Variants in TRAPPC8 observed in about 807,000 individuals in gnomAD.
The protein encoded by TRAPPC8 is general sporulation gene 1 homolog.
A neutral mutation model predicts 174.3 loss-of-function variants in TRAPPC8; 54 were observed. That is an observed-to-expected ratio of 0.31 (90% CI 0.25 to 0.39). TRAPPC8 has a LOEUF of 0.39. Ranked by LOEUF, TRAPPC8 falls within the 10% of genes least tolerant of loss-of-function variation. TRAPPC8 has a pLI of 1.00. For synonymous variants in TRAPPC8, 630 were observed against 579.9 expected, an observed-to-expected ratio of 1.09 and a Z score of -1.24; for missense variants, 1,531 against 1,699.1, an observed-to-expected ratio of 0.90 and a Z score of 1.74.
intron 19 of TRAPPC8, among the ~76,000 whole-genome samples, chr18:31,860,928 C>A (rs1017187089): frequency 6.6e-6 from 1 of 152,148 alleles, no homozygotes; most frequent in African/African-American, 2.4e-5. Flanking sequence ...GAAAGTATAG[C>A]TTTTATCTGT....
intron 12 of TRAPPC8, among the ~76,000 whole-genome samples, chr18:31,885,459 T>C (rs551288366): frequency 3.3e-5 from 5 of 152,314 alleles, no homozygotes; most frequent in African/African-American, 1.2e-4. Flanking sequence ...TGTCAAAATC[T>C]GAATGGGGTC....
chr18:31,906,585 TA>T (rs2036670213), intron 9 of TRAPPC8, among the ~76,000 whole-genome samples: 1 of 152,228 alleles, frequency 6.6e-6, no homozygotes, highest in South Asian at 2.1e-4. Flanking sequence ...ACATGTCTTT[TA>T]AAAGATTAAA....
chr18:31,862,457 A>G (rs767799060), intron 19 of TRAPPC8, among the ~76,000 whole-genome samples: 4 of 152,172 alleles, frequency 2.6e-5, no homozygotes, highest in Non-Finnish European at 4.4e-5. Flanking sequence ...CTTTCAGAAT[A>G]TTAATATAAT....
intron 2 of TRAPPC8, among the ~76,000 whole-genome samples, chr18:31,928,861 T>C (rs2037735302): frequency 6.6e-6 from 1 of 152,090 alleles, no homozygotes; most frequent in South Asian, 2.1e-4. Flanking sequence ...GAATCACATA[T>C]AAAGGTCTAC....
intron 2 of TRAPPC8, among the ~76,000 whole-genome samples, chr18:31,922,990 A>G (rs761339843): frequency 2.6e-5 from 4 of 152,182 alleles, no homozygotes; most frequent in Non-Finnish European, 4.4e-5. Flanking sequence ...GAACTCCAGC[A>G]TGGGTGACAT....
chr18:31,870,424 T>C lies in TRAPPC8; in HGVS notation c.2336A>G (p.Lys779Arg). Residue 779 changes from lysine to arginine, a missense_variant, in exon 16 of 29, where the codon AAG (lysine) becomes AGG (arginine). By Grantham distance (26) the Lys-to-Arg change is conservative. Coordinates refer to ENST00000283351, the MANE Select transcript of TRAPPC8 (RefSeq NM_014939.5). ...LLLTDLSLLW[K>R]FHPKDFSGKD... is the part of the protein sequence containing the mutation. ...TCCACTGAAATCTTTAGGATGAAAC[T>C]TCCAAAGCAATGACAAATCAGTCAA... is the stretch of plus-strand genomic sequence containing the variant. 1 of 1,613,394 alleles carries C rather than the reference T, an allele frequency of 6.2e-7. No homozygotes were observed. Among genetic ancestry groups the C allele is most frequent in the Non-Finnish European group, 8.5e-7 (1 of 1,179,646 alleles).
At chr18:31,861,936 AGGG>A (rs398032373) in intron 19 of TRAPPC8, among the ~76,000 whole-genome samples, 20 of 64,270 alleles carry the variant, frequency 3.1e-4, no homozygotes, top group African/African-American at 9.6e-4. Context: ...AAAAAAAAAA[AGGG>A]GGGGGGGGGC....
chr18:31,905,358 T>G (rs2036614276), intron 9 of TRAPPC8, among the ~76,000 whole-genome samples: 1 of 152,144 alleles, frequency 6.6e-6, no homozygotes, highest in African/African-American at 2.4e-5. Context: ...AGGCGCTCTT[T>G]CAGCTGCTAA....
intron 11 of TRAPPC8, among the ~76,000 whole-genome samples, chr18:31,897,345 T>C (rs764665759): frequency 4.3e-4 from 65 of 152,352 alleles, no homozygotes; most frequent in Middle Eastern, 3.4e-3. Context: ...AAAAAGTTCA[T>C]GCTAGTTGAA....
chr18:31,935,936 G>C (rs1353022069), intron 1 of TRAPPC8, among the ~76,000 whole-genome samples: 1 of 151,000 alleles, frequency 6.6e-6, no homozygotes, highest in African/African-American at 2.4e-5. Context: ...ACGAGGTTTC[G>C]CCATGTTGGC....
At chr18:31,940,732 C>G (rs893796245) in intron 1 of TRAPPC8, among the ~76,000 whole-genome samples, 1 of 151,950 alleles carries the variant, frequency 6.6e-6, no homozygotes, top group Non-Finnish European at 1.5e-5. Context: ...CTCCTGACCT[C>G]GTGATCCACC....
rs188214513 is a variant in TRAPPC8, at chr18:31,942,771, A to G, written c.-7T>C. ...ATTGTACACACTGGGCCATCGCCGC[A>G]GCACAGGCAGCGGCGGCGCCCGCCC... On this transcript the variant is annotated 5_prime_UTR_variant, in exon 1 of 29. Transcript: ENST00000283351. The G allele has an allele frequency of 8.5e-4, 1,222 of 1,434,572 alleles. 10 individuals are homozygous for G. In the African/African-American group the frequency reaches 0.012, roughly 14 times the overall value. The allele number at this position is 1,434,572 out of a possible 1,614,324, so 88.9% of individuals were successfully genotyped here.
At chr18:31,894,099 T>A (rs554872032) in intron 11 of TRAPPC8, among the ~76,000 whole-genome samples, 1 of 152,310 alleles carries the variant, frequency 6.6e-6, no homozygotes, top group South Asian at 2.1e-4. Flanking sequence ...TGGCCTTCCA[T>A]GGTATTAATT....
chr18:31,839,166 C>A, intron 27 of TRAPPC8, 146 bp downstream of exon 27: 1 of 615,052 alleles, frequency 1.6e-6, no homozygotes, highest in Non-Finnish European at 2.5e-6. Context: ...TAAACTTGAA[C>A]TGTTTAGTTC....
intron 12 of TRAPPC8, among the ~76,000 whole-genome samples, chr18:31,877,895 C>T (rs1474504066): frequency 6.6e-6 from 1 of 150,912 alleles, no homozygotes; most frequent in African/African-American, 2.4e-5. Context: ...TGCACTCCAG[C>T]CTGGGTAACA....
chr18:31,916,167 T>C (rs1021527289), intron 4 of TRAPPC8, 105 bp downstream of exon 4: 9 of 850,874 alleles, frequency 1.1e-5, no homozygotes, highest in Non-Finnish European at 1.3e-5. Context: ...CATTAAACTT[T>C]TACATTCTTG....
In TRAPPC8 at chr18:31,943,063, C is replaced by T; in HGVS notation, c.-299G>A. 1 of 479,128 alleles carries T rather than the reference C, an allele frequency of 2.1e-6. No homozygotes were observed. The highest frequency in any genetic ancestry group is 3.4e-6 in the Non-Finnish European group (1 of 298,260). The allele number at this position is 479,128 out of a possible 1,614,324, so 29.7% of individuals were successfully genotyped here. On this transcript the variant is annotated 5_prime_UTR_variant, in exon 1 of 29. Coordinates refer to ENST00000283351, the MANE Select transcript of TRAPPC8 (RefSeq NM_014939.5). ...CACTTAGTCCTTCGGACGGCAAAAC[C>T]TTGGTCACTGCCCGGCCGGAACCGC... is the stretch of plus-strand genomic sequence containing the variant.
chr18:31,906,789 G>A (rs1373944738), intron 9 of TRAPPC8, among the ~76,000 whole-genome samples: 1 of 152,062 alleles, frequency 6.6e-6, no homozygotes, highest in Non-Finnish European at 1.5e-5. Context: ...TATATATAAG[G>A]CATTATGCTA....
intron 12 of TRAPPC8, among the ~76,000 whole-genome samples, chr18:31,885,966 G>A (rs570185648): frequency 2.0e-5 from 3 of 151,466 alleles, no homozygotes; most frequent in South Asian, 2.1e-4. Context: ...TCTGAACGGC[G>A]CTTGCAACTT....
Sources: allele counts gnomAD v4.1 joint callset (sites outside exome capture counted in the v4.1 genomes callset), GRCh38; gene constraint gnomAD v4.1.1; transcripts MANE v1.5; gene names NCBI Gene and HGNC (gene_info 2026-07-23, HGNC 2026-07-21).